The following EPHA4 variants were observed in gnomAD, a reference collection of about 807,000 sequenced individuals.
EPHA4 encodes ephrin type-A receptor 4.
Under a neutral mutation model 108.3 loss-of-function variants are expected in EPHA4, and 19 were observed. That is an observed-to-expected ratio of 0.18 (90% CI 0.12 to 0.26). The LOEUF (loss-of-function observed/expected upper bound fraction) is 0.26. EPHA4 is among the 10% of genes least tolerant of loss of function. The pLI is 1.00. For synonymous variants in EPHA4, 449 were observed against 455.5 expected (o/e 0.99, Z 0.18); for missense variants, 917 against 1,254.0 (o/e 0.73, Z 4.06).
In EPHA4 at chr2:221,572,207, G is replaced by A. The variant is rs1444745321; in HGVS notation, c.42C>T (p.Phe14=). The change falls in exon 1 of 18, where the codon TTC becomes TTT. Residue 14 remains phenylalanine (F), a synonymous_variant. Coordinates refer to ENST00000281821, the MANE Select transcript of EPHA4 (RefSeq NM_004438.5). The stretch of plus-strand genomic sequence containing the variant: ...AACCTGTGACAGCGTCGCAAATCCC[G>A]AAGAGACACGAAAATAGGGCGAAAT... ...IFYFALFSCL[F]GICDAVTGSR... 6.2e-7 allele frequency: 1 copy of A among 1,614,172 alleles called. No homozygotes were observed. The highest frequency in any genetic ancestry group is 2.2e-5 in the East Asian group (1 of 44,876).
At chr2:221,548,608 C>T (rs549374936) in intron 3 of EPHA4, among the ~76,000 whole-genome samples, 13 of 151,898 alleles carry the variant, frequency 8.6e-5, no homozygotes, top group African/African-American at 2.2e-4. Flanking sequence ...CAAGAACAGA[C>T]TAATACATGG....
chr2:221,466,868 G>C (rs967965731), intron 5 of EPHA4, among the ~76,000 whole-genome samples: 1 of 151,558 alleles, frequency 6.6e-6, no homozygotes, highest in Non-Finnish European at 1.5e-5. Context: ...TACAGAAAGC[G>C]GCTGATCTCT....
At chr2:221,502,700 C>T (rs1449998682) in intron 3 of EPHA4, 2 of 416,074 alleles carry the variant, frequency 4.8e-6, no homozygotes, top group Admixed American at 5.2e-5. Flanking sequence ...CTTGTAATGG[C>T]AAGCGGAAAG....
At chr2:221,426,381 G>T in intron 16 of EPHA4, 83 bp downstream of exon 16, 1 of 1,471,802 alleles carries the variant, frequency 6.8e-7, no homozygotes, top group Non-Finnish European at 9.1e-7. Flanking sequence ...AAATGAGTAG[G>T]ATGATTACGC....
intron 4 of EPHA4, among the ~76,000 whole-genome samples, chr2:221,490,926 T>C (rs1455382911): frequency 6.6e-6 from 1 of 152,206 alleles, no homozygotes; most frequent in Non-Finnish European, 1.5e-5. Context: ...TAACCTCTTA[T>C]CATGGTGGTT....
chr2:221,503,553 A>G (rs182958556), intron 3 of EPHA4, among the ~76,000 whole-genome samples: 1 of 152,304 alleles, frequency 6.6e-6, no homozygotes, highest in East Asian at 1.9e-4. Flanking sequence ...ATTTTTTCCT[A>G]TTTTTCCTCG....
chr2:221,443,275 C>T (rs1313740014), intron 10 of EPHA4, among the ~76,000 whole-genome samples: 1 of 152,074 alleles, frequency 6.6e-6, no homozygotes, highest in Non-Finnish European at 1.5e-5. Flanking sequence ...TGAATGCAAT[C>T]AATCTGATTT....
At chr2:221,481,623 C>T (rs1236997392) in intron 5 of EPHA4, among the ~76,000 whole-genome samples, 1 of 151,940 alleles carries the variant, frequency 6.6e-6, no homozygotes. Flanking sequence ...CACTGCATTC[C>T]AGCTTGGGCG....
At chr2:221,518,248 T>A (rs1411258357) in intron 3 of EPHA4, among the ~76,000 whole-genome samples, 1 of 152,166 alleles carries the variant, frequency 6.6e-6, no homozygotes, top group Admixed American at 6.5e-5. Flanking sequence ...TATCCTCCAA[T>A]GCAAAATGGT....
chr2:221,502,071 C>T lies in EPHA4; in HGVS notation c.824-899G>A, dbSNP rs146777322. 4.4e-4 allele frequency among the ~76,000 whole-genome samples: 67 copies of T among 152,080 alleles called. 1 individual carries two copies. Among genetic ancestry groups the T allele is most frequent in the African/African-American group, 1.6e-3 (65 of 41,492 alleles). ...TATACACCTGACATCCTTTCCATGA[C>T]TTCATCTTCATAAACATCACACTGA... On this transcript the variant is annotated intron_variant, in intron 3 of 17. Transcript: ENST00000281821.
At chr2:221,495,646 C>A (rs1027707620) in intron 4 of EPHA4, among the ~76,000 whole-genome samples, 1 of 152,194 alleles carries the variant, frequency 6.6e-6, no homozygotes, top group Non-Finnish European at 1.5e-5. Flanking sequence ...GAGGCTCCAG[C>A]AAAAGTATTC....
chr2:221,563,614 G>A (rs543408595), intron 3 of EPHA4, 117 bp downstream of exon 3: 1 of 1,243,978 alleles, frequency 8.0e-7, no homozygotes, highest in Non-Finnish European at 1.1e-6. Flanking sequence ...AGACCCCTGT[G>A]TCCCACCACA....
chr2:221,496,879 G>T (rs1026768834), intron 4 of EPHA4, among the ~76,000 whole-genome samples: 6 of 152,004 alleles, frequency 3.9e-5, no homozygotes, highest in African/African-American at 1.5e-4. Flanking sequence ...ATTGCACTCC[G>T]GCCAGGGTGA....
chr2:221,542,432 A>G (rs757923158), intron 3 of EPHA4, among the ~76,000 whole-genome samples: 25 of 152,220 alleles, frequency 1.6e-4, no homozygotes, highest in Non-Finnish European at 3.1e-4. Context: ...CAATCAATGC[A>G]TTGAACTCAT....
chr2:221,544,037 G>A (rs1414612418), intron 3 of EPHA4, among the ~76,000 whole-genome samples: 1 of 152,104 alleles, frequency 6.6e-6, no homozygotes, highest in Admixed American at 6.6e-5. Flanking sequence ...TGGTAAAGGG[G>A]ACTAGCTAGC....
intron 5 of EPHA4, among the ~76,000 whole-genome samples, chr2:221,480,563 C>T (rs1691789495): frequency 1.3e-5 from 2 of 152,144 alleles, no homozygotes; most frequent in South Asian, 4.1e-4. Context: ...TTGGCAATCA[C>T]AGAGTACTCA....
At chr2:221,543,655 TTAA>T (rs1186240251) in intron 3 of EPHA4, among the ~76,000 whole-genome samples, 2 of 152,174 alleles carry the variant, frequency 1.3e-5, no homozygotes, top group Non-Finnish European at 2.9e-5. Flanking sequence ...CACAGTACAA[TTAA>T]TAATAAATCT....
chr2:221,508,031 T>C (rs1276057106), intron 3 of EPHA4, among the ~76,000 whole-genome samples: 1 of 152,152 alleles, frequency 6.6e-6, no homozygotes, highest in Non-Finnish European at 1.5e-5. Context: ...ATTTCTTATA[T>C]ACTCCCAGGC....
At chr2:221,518,579 C>T (rs1316925963) in intron 3 of EPHA4, among the ~76,000 whole-genome samples, 1 of 152,210 alleles carries the variant, frequency 6.6e-6, no homozygotes. Flanking sequence ...ACACAGTTGC[C>T]TTTAGCATCT....
Sources: gnomAD v4.1 joint callset for allele counts (sites outside exome capture counted in the v4.1 genomes callset) on GRCh38, gnomAD v4.1.1 for gene constraint, MANE v1.5 for transcripts, NCBI Gene and HGNC (gene_info 2026-07-23, HGNC 2026-07-21) for gene names.